The following NUBPL variants were observed in gnomAD, a reference collection of about 807,000 sequenced individuals.
NUBPL encodes the protein NUBP iron-sulfur cluster assembly factor, mitochondrial, also known as iron-sulfur cluster transfer protein NUBPL.
Under a neutral mutation model 45.7 loss-of-function variants are expected in NUBPL, and 31 were observed. The observed-to-expected ratio is 0.68, with a 90% CI of 0.51 to 0.92. The LOEUF (loss-of-function observed/expected upper bound fraction) is 0.92. Ranked by LOEUF, NUBPL falls within the 40% of genes least tolerant of loss-of-function variation. NUBPL has a pLI of 0.00. For synonymous variants in NUBPL, 144 were observed against 140.9 expected (o/e 1.02, Z -0.15); for missense variants, 401 against 398.7 (o/e 1.01, Z -0.05).
intron 6 of NUBPL, among the ~76,000 whole-genome samples, chr14:31,758,126 A>G (rs555716408): frequency 6.6e-6 from 1 of 152,014 alleles, no homozygotes; most frequent in Non-Finnish European, 1.5e-5. Flanking sequence ...ATATTTATTG[A>G]TAGTTTCCAT....
intron 3 of NUBPL, among the ~76,000 whole-genome samples, chr14:31,565,493 A>C (rs1027673489): frequency 6.6e-6 from 1 of 152,190 alleles, no homozygotes; most frequent in Admixed American, 6.5e-5. Flanking sequence ...AACTTAGGCT[A>C]TAGTTCTATG....
In NUBPL at chr14:31,763,164, G is replaced by C. The variant is rs191637427; in HGVS notation, c.514-24616G>C. ...TTCTTGAAAGGGTGTACATTTTCTA[G>C]AAAGAATATAGGCTTTGATGCCAGA... On this transcript the variant is annotated intron_variant, in intron 6 of 10. Transcript: ENST00000281081. Among the ~76,000 whole-genome samples the C allele has an allele frequency of 2.1e-3, 319 of 152,306 alleles. 2 individuals carry two copies. Among genetic ancestry groups the C allele is most frequent in the African/African-American group, 7.3e-3 (305 of 41,564 alleles).
chr14:31,720,317 A>G (rs2139947417), intron 6 of NUBPL, among the ~76,000 whole-genome samples: 2 of 152,268 alleles, frequency 1.3e-5, no homozygotes, highest in South Asian at 4.1e-4. Context: ...TCTTCTTTCA[A>G]TGTATTACTC....
intron 6 of NUBPL, among the ~76,000 whole-genome samples, chr14:31,715,034 C>T (rs777980550): frequency 1.1e-4 from 17 of 152,190 alleles, no homozygotes; most frequent in Non-Finnish European, 2.2e-4. Context: ...CTCACTCCCT[C>T]ATCTACCATA....
At chr14:31,612,088 G>A (rs2034774791) in intron 4 of NUBPL, among the ~76,000 whole-genome samples, 1 of 152,198 alleles carries the variant, frequency 6.6e-6, no homozygotes, top group African/African-American at 2.4e-5. Context: ...AAGTTAAAAA[G>A]CTGCTGCAGA....
At chr14:31,816,522 T>A (rs891735153) in intron 7 of NUBPL, among the ~76,000 whole-genome samples, 3 of 152,178 alleles carry the variant, frequency 2.0e-5, no homozygotes, top group African/African-American at 7.2e-5. Flanking sequence ...TTCTTGTCTC[T>A]ATCTCCTTCA....
At chr14:31,639,263 T>C (rs1027902353) in intron 4 of NUBPL, among the ~76,000 whole-genome samples, 1 of 152,144 alleles carries the variant, frequency 6.6e-6, no homozygotes, top group African/African-American at 2.4e-5. Flanking sequence ...GATGGGTTTT[T>C]GGTGCGGATG....
chr14:31,595,905 A>AT (rs34594633), intron 3 of NUBPL, among the ~76,000 whole-genome samples: 11,050 of 135,340 alleles, frequency 0.082, 520 homozygotes, highest in Non-Finnish European at 0.094. Flanking sequence ...ATGGACACTG[A>AT]TTTTTTTTTT....
At chr14:31,712,734 T>C (rs1408170917) in intron 6 of NUBPL, among the ~76,000 whole-genome samples, 4 of 152,194 alleles carry the variant, frequency 2.6e-5, no homozygotes, top group African/African-American at 9.7e-5. Flanking sequence ...GTCCTGTGGC[T>C]CTCTGCACAG....
chr14:31,830,903 C>T (rs1015647494), intron 8 of NUBPL, among the ~76,000 whole-genome samples: 1 of 152,130 alleles, frequency 6.6e-6, no homozygotes, highest in Non-Finnish European at 1.5e-5. Flanking sequence ...CCATTTTTCT[C>T]CTCAGGACCC....
At chr14:31,748,595 A>G (rs2038452210) in intron 6 of NUBPL, among the ~76,000 whole-genome samples, 1 of 150,442 alleles carries the variant, frequency 6.6e-6, no homozygotes. Context: ...TTATATAAGT[A>G]TAGTTCTTCC....
chr14:31,640,672 T>C (rs2035667288), intron 4 of NUBPL, among the ~76,000 whole-genome samples: 1 of 151,988 alleles, frequency 6.6e-6, no homozygotes, highest in Non-Finnish European at 1.5e-5. Context: ...CCCTTAATCT[T>C]TTCAAAAATT....
intron 7 of NUBPL, among the ~76,000 whole-genome samples, chr14:31,817,024 G>A (rs185174292): frequency 2.6e-5 from 4 of 152,028 alleles, no homozygotes; most frequent in East Asian, 3.9e-4. Context: ...CGAGAACTTC[G>A]TGAAGCATTC....
chr14:31,745,416 G>T (rs987458652), intron 6 of NUBPL, among the ~76,000 whole-genome samples: 1 of 152,096 alleles, frequency 6.6e-6, no homozygotes. Context: ...ATTCCATGGT[G>T]TATATGTGCC....
intron 3 of NUBPL, among the ~76,000 whole-genome samples, chr14:31,572,298 C>A (rs2033607663): frequency 6.6e-6 from 1 of 152,072 alleles, no homozygotes; most frequent in Non-Finnish European, 1.5e-5. Context: ...CGCCACCACA[C>A]CCATCTAATT....
intron 4 of NUBPL, among the ~76,000 whole-genome samples, chr14:31,606,939 G>A (rs570204055): frequency 6.6e-6 from 1 of 152,296 alleles, no homozygotes; most frequent in South Asian, 2.1e-4. Context: ...TGAGGAGGAT[G>A]AGCACCAGGG....
intron 6 of NUBPL, among the ~76,000 whole-genome samples, chr14:31,736,844 A>C (rs548592142): frequency 1.3e-5 from 2 of 152,180 alleles, no homozygotes; most frequent in African/African-American, 4.8e-5. Flanking sequence ...CAGTTGTTCT[A>C]CATCCTTATT....
chr14:31,637,215 T>G (rs1451822992), intron 4 of NUBPL, among the ~76,000 whole-genome samples: 1 of 152,242 alleles, frequency 6.6e-6, no homozygotes, highest in Non-Finnish European at 1.5e-5. Context: ...TGCTTTCTCT[T>G]GTGGGCATTT....
intron 8 of NUBPL, among the ~76,000 whole-genome samples, chr14:31,832,694 A>C (rs2040212450): frequency 6.6e-6 from 1 of 152,086 alleles, no homozygotes; most frequent in African/African-American, 2.4e-5. Flanking sequence ...TTTTCTTATA[A>C]TTTTTTAGAT....
Sources: gnomAD v4.1 joint callset for allele counts (sites outside exome capture counted in the v4.1 genomes callset) on GRCh38, gnomAD v4.1.1 for gene constraint, MANE v1.5 for transcripts, NCBI Gene and HGNC (gene_info 2026-07-23, HGNC 2026-07-21) for gene names.